PDE4B: variants seen among roughly 807,000 people sequenced by gnomAD.
PDE4B encodes the protein 3',5'-cyclic-AMP phosphodiesterase 4B.
Under a neutral mutation model 82.2 loss-of-function variants are expected in PDE4B, and 20 were observed. That is an observed-to-expected ratio of 0.24 (90% confidence interval 0.17 to 0.35). The LOEUF is 0.35. PDE4B is among the 10% of genes least tolerant of loss of function. The probability of loss-of-function intolerance (pLI) is 1.00; values close to 1 mark genes in which losing one functional copy is unlikely to be tolerated. For synonymous variants in PDE4B, 320 were observed against 318.9 expected (o/e 1.00, Z -0.04); for missense variants, 655 against 907.2 (o/e 0.72, Z 3.57).
chr1:66,364,144 A>G (rs934471131), intron 12 of PDE4B, among the ~76,000 whole-genome samples: 1 of 152,170 alleles, frequency 6.6e-6, no homozygotes, highest in Non-Finnish European at 1.5e-5. Flanking sequence ...GAACTGCCCA[A>G]TGCCACCCTA....
intron 3 of PDE4B, among the ~76,000 whole-genome samples, chr1:66,242,404 G>A (rs116580461): frequency 0.02 from 3,010 of 152,284 alleles, 39 homozygotes; most frequent in Middle Eastern, 0.058. Context: ...ACCATTCTGC[G>A]GACCTGTGGA....
At chr1:66,191,836 G>T (rs1315279840) in intron 3 of PDE4B, among the ~76,000 whole-genome samples, 2 of 152,082 alleles carry the variant, frequency 1.3e-5, no homozygotes, top group African/African-American at 2.4e-5. Flanking sequence ...AGCAGACCAG[G>T]GGGAATGAGA....
intron 7 of PDE4B, among the ~76,000 whole-genome samples, chr1:66,313,334 T>C (rs992385064): frequency 2.0e-5 from 3 of 152,230 alleles, no homozygotes; most frequent in African/African-American, 7.2e-5. Context: ...CAAAACAGTC[T>C]TGCTGGACTG....
At chr1:65,908,513 C>T (rs1569639639) in intron 1 of PDE4B, among the ~76,000 whole-genome samples, 1 of 152,054 alleles carries the variant, frequency 6.6e-6, no homozygotes, top group Non-Finnish European at 1.5e-5. Context: ...GAAATAGCAG[C>T]AAAGCAGCCT....
chr1:66,223,125 G>A (rs1433543681), intron 3 of PDE4B, among the ~76,000 whole-genome samples: 1 of 151,988 alleles, frequency 6.6e-6, no homozygotes, highest in Non-Finnish European at 1.5e-5. Flanking sequence ...AAACCGACAA[G>A]GTTTCTTTCT....
chr1:66,351,804 G>T (rs1189432340), intron 8 of PDE4B, among the ~76,000 whole-genome samples: 1 of 152,148 alleles, frequency 6.6e-6, no homozygotes, highest in Non-Finnish European at 1.5e-5. Flanking sequence ...CTCCCATGTG[G>T]GAGTCAGATG....
chr1:66,369,124 A>G (rs1392351006), intron 16 of PDE4B, among the ~76,000 whole-genome samples, 155 bp downstream of exon 16: 4 of 152,200 alleles, frequency 2.6e-5, no homozygotes, highest in Non-Finnish European at 5.9e-5. Flanking sequence ...GACTCATGCG[A>G]CTTCTCCATT....
intron 3 of PDE4B, among the ~76,000 whole-genome samples, chr1:66,017,178 T>C (rs1652826373): frequency 6.6e-6 from 1 of 152,202 alleles, no homozygotes; most frequent in Admixed American, 6.5e-5. Flanking sequence ...AGCAAACATT[T>C]GAGAGCAGAG....
At chr1:66,135,619 T>G (rs1221066646) in intron 3 of PDE4B, among the ~76,000 whole-genome samples, 1 of 152,140 alleles carries the variant, frequency 6.6e-6, no homozygotes, top group Non-Finnish European at 1.5e-5. Flanking sequence ...TTTGGGGTGC[T>G]CAATTTGAGG....
intron 3 of PDE4B, among the ~76,000 whole-genome samples, chr1:66,146,588 T>C (rs1646278081): frequency 6.6e-6 from 1 of 152,136 alleles, no homozygotes; most frequent in South Asian, 2.1e-4. Context: ...AATCAGAATC[T>C]ATGTGAATGG....
chr1:65,944,940 CAAAG>C (rs1648630615), intron 3 of PDE4B, among the ~76,000 whole-genome samples: 1 of 151,776 alleles, frequency 6.6e-6, no homozygotes, highest in Non-Finnish European at 1.5e-5. Context: ...GATGAATAAG[CAAAG>C]AAAGAAGTTA....
chr1:65,985,374 AG>A (rs1159437210), intron 3 of PDE4B, among the ~76,000 whole-genome samples: 1 of 152,174 alleles, frequency 6.6e-6, no homozygotes, highest in African/African-American at 2.4e-5. Context: ...GGACTTATAT[AG>A]GCAATTATTT....
chr1:65,804,967 G>A (rs1232083775), intron 1 of PDE4B, among the ~76,000 whole-genome samples: 10 of 121,454 alleles, frequency 8.2e-5, no homozygotes, highest in Non-Finnish European at 1.5e-4. Context: ...TTTTGGGGGG[G>A]TGGGTGGGGG....
At chr1:65,943,290 C>T (rs1648540709) in intron 3 of PDE4B, among the ~76,000 whole-genome samples, 1 of 151,698 alleles carries the variant, frequency 6.6e-6, no homozygotes, top group African/African-American at 2.4e-5. Context: ...ATTCTTAGCT[C>T]CTTTGTCAAA....
intron 3 of PDE4B, among the ~76,000 whole-genome samples, chr1:65,998,868 TA>T (rs5774782): frequency 0.12 from 16,158 of 138,094 alleles, 921 homozygotes; most frequent in Admixed American, 0.2. Flanking sequence ...CCTAGTGGGT[TA>T]AAAAAAAAAA....
chr1:65,917,188 T>C lies in PDE4B; in HGVS notation c.43-1409T>C, dbSNP rs541068690. Among the ~76,000 whole-genome samples the C allele has an allele frequency of 3.9e-5, 6 of 152,350 alleles. No individual in the cohort carries two copies. The South Asian group carries it at 8.3e-4, about 21-fold the overall frequency. On this transcript the variant is annotated intron_variant, in intron 2 of 16. Transcript: ENST00000341517. ...AGTGCAAAATAATAATAGATGTGTG[T>C]CAAATATTTGTTGAATTAACCCAGC...
At chr1:66,072,248 C>T (rs1656192187) in intron 3 of PDE4B, among the ~76,000 whole-genome samples, 1 of 152,042 alleles carries the variant, frequency 6.6e-6, no homozygotes, top group South Asian at 2.1e-4. Flanking sequence ...AGAGTGGTGT[C>T]CTTATTTCTA....
chr1:66,183,167 A>C (rs1392687470), intron 3 of PDE4B, among the ~76,000 whole-genome samples: 1 of 152,232 alleles, frequency 6.6e-6, no homozygotes, highest in African/African-American at 2.4e-5. Flanking sequence ...TTTTGTGCTG[A>C]GTTCTAAATG....
intron 7 of PDE4B, among the ~76,000 whole-genome samples, chr1:66,320,325 G>A (rs1000737713): frequency 5.3e-5 from 8 of 152,148 alleles, no homozygotes; most frequent in Admixed American, 5.2e-4. Flanking sequence ...GGTACTCAGT[G>A]AGAGTTAAAT....
Sources: gnomAD v4.1 joint callset for allele counts (sites outside exome capture counted in the v4.1 genomes callset) on GRCh38, gnomAD v4.1.1 for gene constraint, MANE v1.5 for transcripts, NCBI Gene and HGNC (gene_info 2026-07-23, HGNC 2026-07-21) for gene names.